PITPNC1: variants seen among roughly 807,000 people sequenced by gnomAD.
The protein encoded by PITPNC1 is phosphatidylinositol transfer protein cytoplasmic 1, also known as cytoplasmic phosphatidylinositol transfer protein 1.
A neutral mutation model predicts 44.7 loss-of-function variants in PITPNC1; 18 were observed. The ratio of observed to expected loss-of-function variants is 0.40; its 90% CI spans 0.28 to 0.60. The LOEUF is 0.60. PITPNC1 is among the 20% of genes least tolerant of loss of function. The pLI, the probability that PITPNC1 is intolerant of heterozygous loss-of-function variation, is 0.39. For missense variants in PITPNC1, 290 were observed against 418.4 expected (o/e 0.69, Z 2.68); for synonymous variants, 141 against 149.6 (o/e 0.94, Z 0.42).
chr17:67,400,216 C>T (rs1598616827), intron 1 of PITPNC1, among the ~76,000 whole-genome samples: 1 of 152,308 alleles, frequency 6.6e-6, no homozygotes, highest in East Asian at 1.9e-4. Context: ...TGGGATCTAA[C>T]TTTGCCCAGT....
intron 4 of PITPNC1, among the ~76,000 whole-genome samples, chr17:67,558,486 C>T (rs894907535): frequency 9.9e-5 from 15 of 151,474 alleles, no homozygotes; most frequent in African/African-American, 2.7e-4. Flanking sequence ...AAAAAGTCTG[C>T]GCTTTCAGAT....
chr17:67,569,933 G>A (rs540341596), intron 4 of PITPNC1, among the ~76,000 whole-genome samples: 21 of 152,314 alleles, frequency 1.4e-4, no homozygotes, highest in Admixed American at 9.1e-4. Context: ...TGAGAAAGAG[G>A]ATTCGAGACC....
intron 2 of PITPNC1, among the ~76,000 whole-genome samples, chr17:67,546,668 G>A (rs1308750333): frequency 6.6e-6 from 1 of 152,186 alleles, no homozygotes; most frequent in East Asian, 1.9e-4. Flanking sequence ...GCAGGAGGCA[G>A]GCTCCTTTTC....
At chr17:67,545,043 G>A (rs1456002259) in intron 2 of PITPNC1, among the ~76,000 whole-genome samples, 1 of 152,204 alleles carries the variant, frequency 6.6e-6, no homozygotes, top group Admixed American at 6.5e-5. Flanking sequence ...CGGGTGTGGT[G>A]GTTCACGCCT....
intron 4 of PITPNC1, among the ~76,000 whole-genome samples, chr17:67,561,818 C>T (rs2040910736): frequency 6.6e-6 from 1 of 152,118 alleles, no homozygotes; most frequent in South Asian, 2.1e-4. Flanking sequence ...CTAATTTTGA[C>T]CTCCTGGGCT....
intron 1 of PITPNC1, among the ~76,000 whole-genome samples, chr17:67,475,761 G>C (rs1204845327): frequency 6.6e-6 from 1 of 152,208 alleles, no homozygotes; most frequent in East Asian, 1.9e-4. Flanking sequence ...TTGTGCATCA[G>C]TAAGCACAAT....
At chr17:67,615,895 C>CT (rs1567739959) in intron 5 of PITPNC1, among the ~76,000 whole-genome samples, 1 of 152,122 alleles carries the variant, frequency 6.6e-6, no homozygotes, top group Non-Finnish European at 1.5e-5. Flanking sequence ...TTGGCCTAGA[C>CT]TCCTGAGACC....
intron 8 of PITPNC1, among the ~76,000 whole-genome samples, chr17:67,681,608 CAAAAAAA>C (rs5821459): frequency 1.1e-4 from 4 of 36,416 alleles, no homozygotes; most frequent in African/African-American, 2.2e-4. Flanking sequence ...AACCCTATCT[CAAAAAAA>C]AAAAAAAAAA....
chr17:67,570,697 C>T (rs977793714), intron 4 of PITPNC1, among the ~76,000 whole-genome samples: 5 of 152,026 alleles, frequency 3.3e-5, no homozygotes, highest in African/African-American at 7.3e-5. Context: ...CAGAGGGAAT[C>T]GTGAATTTGC....
intron 1 of PITPNC1, among the ~76,000 whole-genome samples, chr17:67,444,253 A>G (rs2039061298): frequency 6.6e-6 from 1 of 152,102 alleles, no homozygotes; most frequent in African/African-American, 2.4e-5. Flanking sequence ...CAAACTCACC[A>G]TGAACCTGGT....
At chr17:67,489,232 C>G (rs1019202698) in intron 1 of PITPNC1, among the ~76,000 whole-genome samples, 3 of 152,156 alleles carry the variant, frequency 2.0e-5, no homozygotes, top group Non-Finnish European at 4.4e-5. Context: ...GCTCCGTCTC[C>G]TTTTGCCTCC....
chr17:67,415,548 C>T (rs773536814), intron 1 of PITPNC1, among the ~76,000 whole-genome samples: 2 of 152,192 alleles, frequency 1.3e-5, no homozygotes, highest in Non-Finnish European at 2.9e-5. Context: ...ATCAAACCAC[C>T]GTTCCCCAAA....
intron 6 of PITPNC1, among the ~76,000 whole-genome samples, chr17:67,647,464 G>GTTTTTTTTGTTTTTTTTTTTTTTTT (rs2042162118): frequency 4.1e-5 from 3 of 72,362 alleles, no homozygotes; most frequent in African/African-American, 1.3e-4. Context: ...CTAATTTTGG[G>GTTTTTTTTGTTTTTTTTTTTTTTTT]TTTTTTTTTT....
chr17:67,535,451 T>C (rs2040514907), intron 2 of PITPNC1, among the ~76,000 whole-genome samples: 1 of 152,260 alleles, frequency 6.6e-6, no homozygotes, highest in African/African-American at 2.4e-5. Flanking sequence ...ACCTGGAGAA[T>C]GTTCCTTATA....
chr17:67,446,633 G>A (rs1213767948), intron 1 of PITPNC1, among the ~76,000 whole-genome samples: 1 of 151,726 alleles, frequency 6.6e-6, no homozygotes, highest in Admixed American at 6.6e-5. Flanking sequence ...TGTTTGTAAA[G>A]GGAGGGTTGA....
chr17:67,683,902 C>T (rs572398752), intron 8 of PITPNC1, among the ~76,000 whole-genome samples: 32 of 149,064 alleles, frequency 2.1e-4, no homozygotes, highest in South Asian at 2.1e-4. Context: ...CACTTGAACC[C>T]GGGAGGCAGA....
In PITPNC1 at chr17:67,550,316, C is replaced by A. The variant is rs113277053; in HGVS notation, c.198-1941C>A. Among the ~76,000 whole-genome samples the A allele has an allele frequency of 1.4e-3, 214 of 152,174 alleles. 1 individual carries two copies. The highest frequency in any genetic ancestry group is 4.9e-3 in the African/African-American group (203 of 41,540). ...CTCCACTTCCGGGGAACTTTGCTTT[C>A]CTATTTGTTTTAACCCTGATTAACA... On this transcript the variant is annotated intron_variant, in intron 2 of 8. Coordinates refer to ENST00000581322, the MANE Select transcript of PITPNC1 (RefSeq NM_012417.4).
At position 67,599,129 on chromosome 17, in the gene PITPNC1, A is replaced by G. The variant is rs1339716290; in HGVS notation, c.366+20872A>G. The stretch of plus-strand genomic sequence containing the variant: ...CACCTTGGCCTCCCAGAGTGCTGGG[A>G]TTACAGGCAAGAGCCACTGTGCCTG... On this transcript the variant is annotated intron_variant, in intron 5 of 8. Coordinates refer to ENST00000581322, the MANE Select transcript of PITPNC1 (RefSeq NM_012417.4). Among the ~76,000 whole-genome samples the G allele has an allele frequency of 1.3e-4, 18 of 142,868 alleles. No homozygotes were observed. The Admixed American group carries it at 1.3e-3, about 10-fold the overall frequency. The allele number at this position is 142,868 out of a possible 152,430, so 93.7% of individuals were successfully genotyped here. A position where few individuals can be genotyped will look rare whatever the true frequency, so the allele number is the denominator to read the frequency against.
rs1555649746 is a variant in PITPNC1, at chr17:67,425,203, G to GCACGCACACACACA, written c.48+47004_48+47005insGCACACACACACAC. On this transcript the variant is annotated intron_variant, in intron 1 of 8. Coordinates refer to ENST00000581322, the MANE Select transcript of PITPNC1 (RefSeq NM_012417.4). ...CCATGTTGTGCGCGCGCACGCACAC[G>GCACGCACACACACA]CACACACACACACACACACACACAC... is the stretch of plus-strand genomic sequence containing the variant. 9.0e-4 allele frequency among the ~76,000 whole-genome samples: 89 copies of GCACGCACACACACA among 98,822 alleles called. 3 individuals are homozygous for GCACGCACACACACA. Among genetic ancestry groups the GCACGCACACACACA allele is most frequent in the Non-Finnish European group, 1.5e-3 (77 of 50,364 alleles). The allele number at this position is 98,822 out of a possible 152,430, so 64.8% of individuals were successfully genotyped here. A position where few individuals can be genotyped will look rare whatever the true frequency, so the allele number is the denominator to read the frequency against.
Sources: gnomAD v4.1 joint callset for allele counts (sites outside exome capture counted in the v4.1 genomes callset) on GRCh38, gnomAD v4.1.1 for gene constraint, MANE v1.5 for transcripts, NCBI Gene and HGNC (gene_info 2026-07-23, HGNC 2026-07-21) for gene names.